Variants in PCDHGA8 observed in about 807,000 individuals in gnomAD.
PCDHGA8 encodes the protein protocadherin gamma subfamily A, 8, also known as protocadherin gamma-A8.
PCDHGA8 carries 45 observed loss-of-function variants against 59.2 expected under a neutral mutation model. The observed-to-expected ratio is 0.76, with a 90% CI of 0.60 to 0.98. The LOEUF (loss-of-function observed/expected upper bound fraction) is 0.98. Among genes scored for constraint, PCDHGA8 ranks in the 50% least tolerant of loss-of-function variants. The probability of loss-of-function intolerance (pLI) is 0.00; values close to 1 mark genes in which losing one functional copy is unlikely to be tolerated. For missense variants in PCDHGA8, 1,257 were observed against 1,196.2 expected (o/e 1.05, Z -0.75); for synonymous variants, 531 against 519.0 (o/e 1.02, Z -0.32).
At chr5:141,482,755 T>TGA (rs1554165462) in intron 1 of PCDHGA8, among the ~76,000 whole-genome samples, 1 of 143,580 alleles carries the variant, frequency 7.0e-6, no homozygotes, top group Admixed American at 6.9e-5. Context: ...GGGATTATGG[T>TGA]ATTTCATTAT....
At position 141,432,952 on chromosome 5, in the gene PCDHGA8, C is replaced by G. The variant is rs2097553312; in HGVS notation, c.2424+37715C>G. ...GCCTGCTGCAGGCTTCAGGAGGCGGCTTGACAGGAGCGCCGGCGTCGCACT... is the reference window on the plus strand; with the variant it reads ...GCCTGCTGCAGGCTTCAGGAGGCGGGTTGACAGGAGCGCCGGCGTCGCACT... On this transcript the variant is annotated intron_variant, in intron 1 of 3. Transcript: ENST00000398604. The surrounding 1 kb of genome is among the most constrained non-coding windows in gnomAD (Gnocchi z 6.0). 1 of 1,614,086 alleles carries G rather than the reference C, an allele frequency of 6.2e-7. No individual in the cohort carries two copies. Among genetic ancestry groups the G allele is most frequent in the South Asian group, 1.1e-5 (1 of 91,090 alleles).
chr5:141,469,834 T>C (rs1228732202), intron 1 of PCDHGA8, among the ~76,000 whole-genome samples: 4 of 152,068 alleles, frequency 2.6e-5, no homozygotes, highest in African/African-American at 9.7e-5. Context: ...ACATAAAACT[T>C]ATTCTTAAGA....
intron 1 of PCDHGA8, among the ~76,000 whole-genome samples, chr5:141,402,229 AG>A (rs1400203598): frequency 6.6e-6 from 1 of 152,110 alleles, no homozygotes; most frequent in Non-Finnish European, 1.5e-5. Context: ...ACGTTTTTCC[AG>A]GAATTTTATC....
At chr5:141,423,982 T>C in intron 1 of PCDHGA8, 3 of 1,106,134 alleles carry the variant, frequency 2.7e-6, no homozygotes, top group Non-Finnish European at 3.4e-6. Flanking sequence ...TGTATGAGGC[T>C]CTCAATTTAT....
At chr5:141,446,891 C>A (rs1457416718) in intron 1 of PCDHGA8, among the ~76,000 whole-genome samples, 1 of 152,152 alleles carries the variant, frequency 6.6e-6, no homozygotes, top group Non-Finnish European at 1.5e-5. Context: ...GGGTTCATGG[C>A]TGAGCTACTT....
Position 141,477,673 on chromosome 5 carries a change from G to A in PCDHGA8, c.2425-17134G>A. The A allele has an allele frequency of 1.2e-6, 2 of 1,614,168 alleles. No individual in the cohort carries two copies. The highest frequency in any genetic ancestry group is 8.5e-7 in the Non-Finnish European group (1 of 1,180,050). ...CAATAAATCGTGACAATGGCATAGT[G>A]TCATCCTTAGTGCCCCTAGACTATG... On this transcript the variant is annotated intron_variant, in intron 1 of 3. Coordinates refer to ENST00000398604, the MANE Select transcript of PCDHGA8 (RefSeq NM_032088.2). This position sits in a 1 kb window ranked among gnomAD's most constrained non-coding sequence, Gnocchi z 4.9.
At chr5:141,403,270 T>C (rs1284833810) in intron 1 of PCDHGA8, 2 of 1,613,770 alleles carry the variant, frequency 1.2e-6, no homozygotes, top group African/African-American at 1.3e-5. Flanking sequence ...TGGTGAACTT[T>C]AAAGTCCTGG....
intron 1 of PCDHGA8, among the ~76,000 whole-genome samples, chr5:141,465,159 A>C (rs1333891587): frequency 6.6e-6 from 1 of 151,952 alleles, no homozygotes; most frequent in East Asian, 1.9e-4. Flanking sequence ...AGGGACTCTA[A>C]ATGTTTATGA....
At chr5:141,423,926 T>C (rs925790302) in intron 1 of PCDHGA8, 2 of 1,245,276 alleles carry the variant, frequency 1.6e-6, no homozygotes, top group Non-Finnish European at 2.0e-6. Flanking sequence ...CTATGCTGGT[T>C]TGGTTTGAAG....
intron 3 of PCDHGA8, among the ~76,000 whole-genome samples, chr5:141,509,139 A>G (rs1042555376): frequency 2.6e-5 from 4 of 152,140 alleles, no homozygotes; most frequent in African/African-American, 9.7e-5. Flanking sequence ...ACCGAGGCGC[A>G]TCCCGGCTCT....
chr5:141,478,497 C>A (rs746475685), intron 1 of PCDHGA8: 2 of 1,612,820 alleles, frequency 1.2e-6, no homozygotes, highest in Non-Finnish European at 1.7e-6. Context: ...AGCTGTGATC[C>A]GGTGTTCTAT....
rs1334650353 is a variant in PCDHGA8, at chr5:141,493,099, A to T, written c.2425-1708A>T. Among the ~76,000 whole-genome samples, 1 of 152,192 alleles carries T rather than the reference A, an allele frequency of 6.6e-6. No homozygotes were observed. Among genetic ancestry groups the T allele is most frequent in the East Asian group, 1.9e-4 (1 of 5,198 alleles). On this transcript the variant is annotated intron_variant, in intron 1 of 3. Coordinates refer to ENST00000398604, the MANE Select transcript of PCDHGA8 (RefSeq NM_032088.2). This position sits in a 1 kb window ranked among gnomAD's most constrained non-coding sequence, Gnocchi z 4.3. ...CTCCAGGAGCTTTTATTCAAAATAT[A>T]TCAATGCCTAACTCTGCTCCTAGGA... is the stretch of plus-strand genomic sequence containing the variant.
intron 1 of PCDHGA8, chr5:141,398,587 C>G: frequency 6.2e-7 from 1 of 1,613,860 alleles, no homozygotes; most frequent in Non-Finnish European, 8.5e-7. Context: ...AAGATTTATA[C>G]TAGAAGTAGC....
chr5:141,493,935 C>T lies in PCDHGA8; in HGVS notation c.2425-872C>T, dbSNP rs1317863228. Among the ~76,000 whole-genome samples the T allele has an allele frequency of 6.6e-6, 1 of 152,158 alleles. No homozygotes were observed. Among genetic ancestry groups the T allele is most frequent in the Non-Finnish European group, 1.5e-5 (1 of 68,020 alleles). On this transcript the variant is annotated intron_variant, in intron 1 of 3. Coordinates refer to ENST00000398604, the MANE Select transcript of PCDHGA8 (RefSeq NM_032088.2). This position sits in a 1 kb window ranked among gnomAD's most constrained non-coding sequence, Gnocchi z 4.3. Reference sequence around the variant, plus strand: ...TGGGATAACACACCCCCTGGAAAGACCAGAAGGGACTCAGGAATGAAGTGG... The same window carrying T: ...TGGGATAACACACCCCCTGGAAAGATCAGAAGGGACTCAGGAATGAAGTGG...
intron 1 of PCDHGA8, chr5:141,400,041 G>T (rs1354740714): frequency 1.2e-6 from 2 of 1,613,566 alleles, no homozygotes; most frequent in South Asian, 2.2e-5. Context: ...GCCAGCGCCT[G>T]CTGGTTGCTG....
chr5:141,471,786 A>AT (rs531568169), intron 1 of PCDHGA8, among the ~76,000 whole-genome samples: 23 of 152,362 alleles, frequency 1.5e-4, no homozygotes, highest in African/African-American at 5.5e-4. Flanking sequence ...ACATTATGCT[A>AT]TGTCATATAA....
At position 141,486,873 on chromosome 5, in the gene PCDHGA8, G is replaced by A. The variant is rs769661146; in HGVS notation, c.2425-7934G>A. On this transcript the variant is annotated intron_variant, in intron 1 of 3. Transcript: ENST00000398604. This position sits in a 1 kb window ranked among gnomAD's most constrained non-coding sequence, Gnocchi z 5.0. ...AATGACAATGCTCCAGCTGTGCTCCGTCCTCGGGCCCGGCCTGGTTCCTTA... is the reference window on the plus strand; with the variant it reads ...AATGACAATGCTCCAGCTGTGCTCCATCCTCGGGCCCGGCCTGGTTCCTTA... 1.6e-5 allele frequency: 26 copies of A among 1,614,082 alleles called. No individual in the cohort carries two copies. Among genetic ancestry groups the A allele is most frequent in the African/African-American group, 4.0e-5 (3 of 74,922 alleles).
chr5:141,423,661 GT>G, intron 1 of PCDHGA8: 1 of 1,555,760 alleles, frequency 6.4e-7, no homozygotes. Flanking sequence ...AAGTAATCAG[GT>G]GAGATTTATT....
intron 1 of PCDHGA8, chr5:141,433,063 G>T (rs1411651811): frequency 3.1e-6 from 5 of 1,614,176 alleles, no homozygotes; most frequent in Non-Finnish European, 4.2e-6. Flanking sequence ...AGAGTCACCT[G>T]ATCTTCCCCC....
Sources: gnomAD v4.1 joint callset for allele counts (sites outside exome capture counted in the v4.1 genomes callset) on GRCh38, gnomAD v4.1.1 for gene constraint, Gnocchi (gnomAD v3.1) non-coding constraint, MANE v1.5 for transcripts, NCBI Gene and HGNC (gene_info 2026-07-23, HGNC 2026-07-21) for gene names.